Variants in LRBA observed in about 807,000 individuals in gnomAD.
The protein encoded by LRBA is lipopolysaccharide-responsive and beige-like anchor protein.
Under a neutral mutation model 330.0 loss-of-function variants are expected in LRBA, and 176 were observed. That is an observed-to-expected ratio of 0.53 (90% CI 0.47 to 0.60). LRBA has a LOEUF of 0.60. Among genes scored for constraint, LRBA ranks in the 20% least tolerant of loss-of-function variants. The pLI is 0.00. For missense variants in LRBA, 3,259 were observed against 3,444.8 expected (o/e 0.95, Z 1.35); for synonymous variants, 1,230 against 1,193.0 (o/e 1.03, Z -0.64).
chr4:150,610,506 T>C (rs1311245887), intron 37 of LRBA, among the ~76,000 whole-genome samples: 1 of 152,092 alleles, frequency 6.6e-6, no homozygotes, highest in Non-Finnish European at 1.5e-5. Context: ...GGAGAATCGC[T>C]TGAACCTGGG....
intron 22 of LRBA, among the ~76,000 whole-genome samples, chr4:150,865,544 G>A (rs541386775): frequency 2.0e-5 from 3 of 152,154 alleles, no homozygotes; most frequent in African/African-American, 7.2e-5. Context: ...TATAAAATCA[G>A]ATCTCTTTTC....
At chr4:150,817,039 A>AGATATGGGAGGAG in intron 31 of LRBA, 85 bp downstream of exon 31, 1 of 1,263,716 alleles carries the variant, frequency 7.9e-7, no homozygotes, top group Non-Finnish European at 1.1e-6. Context: ...ATGTGCCCCC[A>AGATATGGGAGGAG]AATTTTAAGT....
chr4:150,859,927 A>G (rs1751684388), intron 22 of LRBA, among the ~76,000 whole-genome samples: 1 of 152,188 alleles, frequency 6.6e-6, no homozygotes, highest in Non-Finnish European at 1.5e-5. Context: ...CAGAACTTAT[A>G]TTTTTAGAGA....
intron 36 of LRBA, among the ~76,000 whole-genome samples, chr4:150,712,747 C>T (rs1005762691): frequency 6.6e-6 from 1 of 151,998 alleles, no homozygotes. Context: ...CAGCAACATC[C>T]CTAAAAAGCC....
intron 37 of LRBA, among the ~76,000 whole-genome samples, chr4:150,656,452 T>C (rs1780197272): frequency 2.0e-5 from 3 of 152,218 alleles, no homozygotes; most frequent in African/African-American, 7.2e-5. Context: ...AGAGGTTAGA[T>C]AAAACCAGTC....
rs139028268 is a variant in LRBA at position 150,544,342 on chromosome 4, G to C, written c.6330+43706C>G. 0.018 allele frequency among the ~76,000 whole-genome samples: 2,717 copies of C among 152,068 alleles called. 177 individuals carry two copies. The South Asian group carries it at 0.24, about 14-fold the overall frequency. On this transcript the variant is annotated intron_variant, in intron 40 of 56. Coordinates refer to ENST00000651943, the MANE Select transcript of LRBA (RefSeq NM_001364905.1). ...GGAGTTTTGCCATGTTGGCCAGGCT[G>C]GTCTCAAACCCCTGACCTCCAGTGA...
intron 37 of LRBA, among the ~76,000 whole-genome samples, chr4:150,639,841 A>ATT (rs1362305053): frequency 2.5e-5 from 1 of 40,586 alleles, no homozygotes; most frequent in Non-Finnish European, 4.9e-5. Flanking sequence ...ATATATATAT[A>ATT]TATATATATA....
chr4:150,870,830 T>C (rs1753342375), intron 19 of LRBA, among the ~76,000 whole-genome samples: 1 of 152,224 alleles, frequency 6.6e-6, no homozygotes, highest in Non-Finnish European at 1.5e-5. Context: ...AAATAGTTAA[T>C]AAAATGGAGG....
At chr4:150,430,894 A>AT (rs540889311) in intron 46 of LRBA, among the ~76,000 whole-genome samples, 129 of 152,258 alleles carry the variant, frequency 8.5e-4, no homozygotes, top group African/African-American at 2.8e-3. Context: ...GAGAAAGAAA[A>AT]TAATTTAAAC....
At chr4:150,587,904 TA>T (rs1772317927) in intron 40 of LRBA, 143 bp downstream of exon 40, 1 of 782,054 alleles carries the variant, frequency 1.3e-6, no homozygotes. Flanking sequence ...AATCATAAAC[TA>T]AAGAAGATAA....
chr4:150,492,157 G>A (rs1489045008), intron 40 of LRBA, among the ~76,000 whole-genome samples: 1 of 140,490 alleles, frequency 7.1e-6, no homozygotes, highest in African/African-American at 2.5e-5. Context: ...ATTCTCCAGT[G>A]CAGAATGTAG....
intron 30 of LRBA, 142 bp downstream of exon 30, chr4:150,828,038 T>C (rs531436029): frequency 2.1e-5 from 14 of 654,750 alleles, no homozygotes; most frequent in Non-Finnish European, 7.9e-6. Context: ...CTGATCAACA[T>C]AAGCTATTGG....
intron 2 of LRBA, among the ~76,000 whole-genome samples, chr4:151,010,984 G>A (rs1237165772): frequency 6.6e-6 from 1 of 151,480 alleles, no homozygotes; most frequent in Non-Finnish European, 1.5e-5. Flanking sequence ...TCAGGAGATC[G>A]AGACCATCCT....
At chr4:150,373,127 G>A (rs1269820166) in intron 47 of LRBA, among the ~76,000 whole-genome samples, 162 of 15,480 alleles carry the variant, frequency 0.01, 1 homozygote, top group African/African-American at 0.022. Context: ...ACAATCTCGT[G>A]TGTGTGTGTG....
intron 47 of LRBA, among the ~76,000 whole-genome samples, chr4:150,406,819 A>C (rs11724676): frequency 0.23 from 34,437 of 152,026 alleles, 4,535 homozygotes; most frequent in Non-Finnish European, 0.31. Flanking sequence ...CTCACTCTGT[A>C]GCCCAGGCTG....
At chr4:150,528,702 T>C (rs910255971) in intron 40 of LRBA, among the ~76,000 whole-genome samples, 4 of 152,072 alleles carry the variant, frequency 2.6e-5, no homozygotes, top group African/African-American at 7.2e-5. Context: ...CTTTTCAGCA[T>C]CATCGATTTT....
At chr4:150,907,370 A>T (rs1410849747) in intron 11 of LRBA, among the ~76,000 whole-genome samples, 1 of 108,378 alleles carries the variant, frequency 9.2e-6, no homozygotes, top group Non-Finnish European at 1.9e-5. Context: ...GAAGGAAGGG[A>T]GGGAGGGAGG....
At chr4:150,274,940 T>G (rs552932477) in intron 56 of LRBA, among the ~76,000 whole-genome samples, 2 of 152,286 alleles carry the variant, frequency 1.3e-5, no homozygotes, top group South Asian at 4.1e-4. Context: ...GAGGCCAGCA[T>G]CATCCTGATA....
At chr4:150,625,169 G>A (rs937021036) in intron 37 of LRBA, among the ~76,000 whole-genome samples, 4 of 152,156 alleles carry the variant, frequency 2.6e-5, no homozygotes, top group Non-Finnish European at 5.9e-5. Flanking sequence ...GAAGTGCTAT[G>A]TCAAGTATGG....
Sources: gnomAD v4.1 joint callset for allele counts (sites outside exome capture counted in the v4.1 genomes callset) on GRCh38, gnomAD v4.1.1 for gene constraint, MANE v1.5 for transcripts, NCBI Gene and HGNC (gene_info 2026-07-23, HGNC 2026-07-21) for gene names.